The following PAPOLG variants were observed in gnomAD, a reference collection of about 807,000 sequenced individuals.
PAPOLG encodes poly(A) polymerase gamma, also known as PAP-gamma.
PAPOLG carries 40 observed loss-of-function variants against 99.0 expected under a neutral mutation model. That is an observed-to-expected ratio of 0.40 (90% CI 0.31 to 0.53). The LOEUF is 0.53. Ranked by LOEUF, PAPOLG falls within the 20% of genes least tolerant of loss-of-function variation. The probability of loss-of-function intolerance (pLI) is 0.41; values close to 1 mark genes in which losing one functional copy is unlikely to be tolerated. For missense variants in PAPOLG, 675 were observed against 884.1 expected (o/e 0.76, Z 3.00); for synonymous variants, 310 against 299.3 (o/e 1.04, Z -0.37).
chr2:60,775,170 T>A, intron 8 of PAPOLG, 47 bp downstream of exon 8: 1 of 1,565,924 alleles, frequency 6.4e-7, no homozygotes, highest in African/African-American at 1.4e-5. Flanking sequence ...ATTCTAATTT[T>A]CTCTTGCCAG....
Position 60,796,919 on chromosome 2 carries a change from A to G in PAPOLG, c.2113-143A>G, listed in dbSNP as rs1671725167. ...AGAGTTCCCTATGAACACGGAAGGAAATATTCATTGCATACTTGAGTGTTT... is the reference window on the plus strand; with the variant it reads ...AGAGTTCCCTATGAACACGGAAGGAGATATTCATTGCATACTTGAGTGTTT... On this transcript the variant is annotated intron_variant, in intron 21 of 21. Transcript: ENST00000238714. The G allele has an allele frequency of 8.9e-6, 9 of 1,007,712 alleles. No individual in the cohort carries two copies. The East Asian group carries it at 2.4e-4, about 27-fold the overall frequency. 62.4% of individuals were successfully genotyped at this position (1,007,712 alleles called of 1,614,324 possible).
rs1456501698 is a variant in PAPOLG at position 60,794,951 on chromosome 2, C to G, written c.2056-13C>G. ...AAGTTAGTTTTCACTTGTGTTGATT[C>G]TTCTGTTTTTAGGATGCCATTGGAG... On this transcript the variant is annotated splice_polypyrimidine_tract_variant and intron_variant, in intron 20 of 21. Transcript: ENST00000238714. 1.9e-6 allele frequency: 3 copies of G among 1,611,236 alleles called. No homozygotes were observed. The African/African-American group carries it at 4.0e-5, about 22-fold the overall frequency.
chr2:60,787,328 T>C (rs947652435), intron 14 of PAPOLG, 183 bp from the exon 15 acceptor site: 3 of 346,142 alleles, frequency 8.7e-6, no homozygotes, highest in African/African-American at 6.7e-5. Context: ...TGCTTAATCC[T>C]TCTCAGAACA....
chr2:60,780,113 T>A (rs903426146), intron 9 of PAPOLG, among the ~76,000 whole-genome samples: 1 of 152,236 alleles, frequency 6.6e-6, no homozygotes, highest in Non-Finnish European at 1.5e-5. Flanking sequence ...ATGTTGGCTG[T>A]TGCTGTTACT....
At chr2:60,786,168 C>G (rs970588542) in intron 13 of PAPOLG, among the ~76,000 whole-genome samples, 4 of 152,030 alleles carry the variant, frequency 2.6e-5, no homozygotes, top group Non-Finnish European at 5.9e-5. Context: ...GATATAAAAT[C>G]AATTGTGTTT....
chr2:60,796,098 T>C (rs546783296), intron 21 of PAPOLG, among the ~76,000 whole-genome samples: 1 of 151,908 alleles, frequency 6.6e-6, no homozygotes, highest in South Asian at 2.1e-4. Flanking sequence ...TTTTAATGCA[T>C]ATGGATATGA....
intron 15 of PAPOLG, among the ~76,000 whole-genome samples, chr2:60,789,510 A>G (rs1222519298): frequency 6.6e-6 from 1 of 152,048 alleles, no homozygotes; most frequent in Non-Finnish European, 1.5e-5. Context: ...TGCTGGGATT[A>G]CAGGTGTCAA....
intron 7 of PAPOLG, among the ~76,000 whole-genome samples, chr2:60,774,065 A>C (rs1438007768): frequency 6.6e-6 from 1 of 151,592 alleles, no homozygotes; most frequent in East Asian, 1.9e-4. Flanking sequence ...TTTTTCTGCT[A>C]GTGCAGTTTG....
At chr2:60,780,632 A>G in intron 9 of PAPOLG, 75 bp from the exon 10 acceptor site, 3 of 1,449,894 alleles carry the variant, frequency 2.1e-6, no homozygotes, top group Non-Finnish European at 2.9e-6. Flanking sequence ...GGTTAGAACA[A>G]TCTAATAATT....
At chr2:60,787,672 G>A (rs775715615) in intron 15 of PAPOLG, 52 bp downstream of exon 15, 2 of 1,588,022 alleles carry the variant, frequency 1.3e-6, no homozygotes, top group Non-Finnish European at 1.7e-6. Context: ...CTATTACTCA[G>A]TGTCATCTGC....
At chr2:60,772,672 C>T (rs1333808035) in intron 7 of PAPOLG, among the ~76,000 whole-genome samples, 1 of 152,044 alleles carries the variant, frequency 6.6e-6, no homozygotes, top group Admixed American at 6.6e-5. Flanking sequence ...CACTTGAACC[C>T]AGAAGGCGGA....
chr2:60,794,691 T>G lies in PAPOLG; in HGVS notation c.1990-19T>G. 6.2e-7 allele frequency: 1 copy of G among 1,602,432 alleles called. No individual in the cohort carries two copies. Among genetic ancestry groups the G allele is most frequent in the Non-Finnish European group, 8.5e-7 (1 of 1,169,964 alleles). On this transcript the variant is annotated intron_variant, in intron 19 of 21. Coordinates refer to ENST00000238714, the MANE Select transcript of PAPOLG (RefSeq NM_022894.4). ...TTGTAGGTACATAATAGCAATCTAT[T>G]TCAATGTTTATATTTTAGTTTATTC... is the stretch of plus-strand genomic sequence containing the variant.
At chr2:60,770,008 GA>G (rs1406015107) in intron 5 of PAPOLG, among the ~76,000 whole-genome samples, 2 of 151,292 alleles carry the variant, frequency 1.3e-5, no homozygotes, top group African/African-American at 4.9e-5. Context: ...TTATGAGTGA[GA>G]ACATGCTGTG....
At chr2:60,776,219 G>T (rs1671013112) in intron 8 of PAPOLG, among the ~76,000 whole-genome samples, 1 of 152,090 alleles carries the variant, frequency 6.6e-6, no homozygotes, top group Admixed American at 6.6e-5. Context: ...CAAAAGAGCA[G>T]TCCTACTTAG....
Position 60,794,109 on chromosome 2 carries a change from A to G in PAPOLG, c.1907A>G (p.Asn636Ser). 1.2e-6 allele frequency: 2 copies of G among 1,614,116 alleles called. No homozygotes were observed. Among genetic ancestry groups the G allele is most frequent in the Non-Finnish European group, 1.7e-6 (2 of 1,179,954 alleles). Residue 636 changes from asparagine to serine, a missense_variant, in exon 19 of 22, where the codon AAT (asparagine) becomes AGT (serine). Asn to Ser is a conservative substitution (Grantham distance 46). Coordinates refer to ENST00000238714, the MANE Select transcript of PAPOLG (RefSeq NM_022894.4). Reference protein sequence around the residue: ...QGQPHLNGMSNITKTVTPKRS... With the variant: ...QGQPHLNGMSSITKTVTPKRS... Reference sequence around the variant, plus strand: ...CAACCGCATCTGAATGGAATGTCAAATATAACTAAGACTGTTACACCTAAG... The same window carrying G: ...CAACCGCATCTGAATGGAATGTCAAGTATAACTAAGACTGTTACACCTAAG...
Position 60,768,779 on chromosome 2 carries a change from A to G in PAPOLG, c.329-2A>G. Reference sequence around the variant, plus strand: ...TTAATTAAGAACTACTTTAATTTACAGGAGCTGACATTGATGCACTTTGTG... The same window carrying G: ...TTAATTAAGAACTACTTTAATTTACGGGAGCTGACATTGATGCACTTTGTG... On this transcript the variant is annotated splice_acceptor_variant, in intron 4 of 21. Coordinates refer to ENST00000238714, the MANE Select transcript of PAPOLG (RefSeq NM_022894.4). LOFTEE classifies it high-confidence loss of function. The G allele has an allele frequency of 6.5e-7, 1 of 1,549,540 alleles. No individual in the cohort carries two copies. The highest frequency in any genetic ancestry group is 8.7e-7 in the Non-Finnish European group (1 of 1,144,436).
At chr2:60,791,518 C>T (rs941732243) in intron 15 of PAPOLG, 3 of 274,502 alleles carry the variant, frequency 1.1e-5, no homozygotes, top group Non-Finnish European at 2.1e-5. Context: ...CGCCATTGCA[C>T]TCCAGCCTGG....
Position 60,793,951 on chromosome 2 carries a change from A to AT in PAPOLG, c.1769-19dup, listed in dbSNP as rs1558720911. 1 of 1,592,300 alleles carries AT rather than the reference A, an allele frequency of 6.3e-7. No homozygotes were observed. On this transcript the variant is annotated intron_variant, in intron 18 of 21. Transcript: ENST00000238714. ...ATTACATAAATGTTTAATTATTAAA[A>AT]TCCTTTTTTTCCTTTTCAGAAGTTG... is the stretch of plus-strand genomic sequence containing the variant.
intron 13 of PAPOLG, among the ~76,000 whole-genome samples, 175 bp downstream of exon 13, chr2:60,783,384 G>GC (rs1671255855): frequency 7.9e-6 from 1 of 127,128 alleles, no homozygotes; most frequent in Admixed American, 9.6e-5. Context: ...GTGCAGTGTC[G>GC]CGATCTCAGT....
Sources: allele counts gnomAD v4.1 joint callset (sites outside exome capture counted in the v4.1 genomes callset), GRCh38; gene constraint gnomAD v4.1.1; transcripts MANE v1.5; gene names NCBI Gene and HGNC (gene_info 2026-07-23, HGNC 2026-07-21).